PDSS2: variants seen among roughly 807,000 people sequenced by gnomAD.
PDSS2 encodes the protein all trans-polyprenyl-diphosphate synthase PDSS2.
A neutral mutation model predicts 44.5 loss-of-function variants in PDSS2; 31 were observed. The ratio of observed to expected loss-of-function variants is 0.70; its 90% CI spans 0.52 to 0.94. PDSS2 has a LOEUF of 0.94. Ranked by LOEUF, PDSS2 falls within the 40% of genes least tolerant of loss-of-function variation. The pLI is 0.00. For synonymous variants in PDSS2, 157 were observed against 180.3 expected, an observed-to-expected ratio of 0.87 and a Z score of 1.03; for missense variants, 452 against 482.2, an observed-to-expected ratio of 0.94 and a Z score of 0.59.
intron 1 of PDSS2, among the ~76,000 whole-genome samples, chr6:107,353,821 G>GA (rs915197346): frequency 2.5e-4 from 38 of 152,126 alleles, no homozygotes; most frequent in African/African-American, 8.9e-4. Context: ...AAAATCACTG[G>GA]AAAATTTAAA....
At chr6:107,436,121 T>C (rs1051518186) in intron 1 of PDSS2, among the ~76,000 whole-genome samples, 1 of 152,200 alleles carries the variant, frequency 6.6e-6, no homozygotes, top group East Asian at 1.9e-4. Flanking sequence ...TACTCTCTAG[T>C]ATAGCTACTT....
intron 1 of PDSS2, among the ~76,000 whole-genome samples, chr6:107,347,127 G>T (rs1372235079): frequency 6.6e-6 from 1 of 152,144 alleles, no homozygotes; most frequent in Non-Finnish European, 1.5e-5. Context: ...CAGCCAAGGA[G>T]TGTTACATGG....
chr6:107,255,939 G>A (rs939285196), intron 3 of PDSS2, among the ~76,000 whole-genome samples: 2 of 152,078 alleles, frequency 1.3e-5, no homozygotes, highest in East Asian at 1.9e-4. Context: ...CTATTAGGGT[G>A]CATTTCAATC....
chr6:107,297,632 G>A (rs373958507), intron 2 of PDSS2, among the ~76,000 whole-genome samples: 11 of 148,566 alleles, frequency 7.4e-5, no homozygotes, highest in African/African-American at 2.2e-4. Context: ...CACCCGCCTC[G>A]GCCTCCCAAA....
intron 1 of PDSS2, among the ~76,000 whole-genome samples, chr6:107,446,259 T>C (rs1332619505): frequency 6.6e-6 from 1 of 151,560 alleles, no homozygotes; most frequent in Non-Finnish European, 1.5e-5. Context: ...GAGGTTGCAG[T>C]GAGTCAAGAT....
At chr6:107,371,679 A>G (rs191072627) in intron 1 of PDSS2, among the ~76,000 whole-genome samples, 1 of 151,598 alleles carries the variant, frequency 6.6e-6, no homozygotes, top group African/African-American at 2.4e-5. Flanking sequence ...ATGAAGGCAG[A>G]CAGACAGCTC....
chr6:107,418,656 T>C (rs1471796052), intron 1 of PDSS2, among the ~76,000 whole-genome samples: 1 of 152,072 alleles, frequency 6.6e-6, no homozygotes, highest in Non-Finnish European at 1.5e-5. Flanking sequence ...GCACCTGTAG[T>C]CCCAGCTACT....
At chr6:107,457,113 T>C (rs1782070278) in intron 1 of PDSS2, among the ~76,000 whole-genome samples, 2 of 152,156 alleles carry the variant, frequency 1.3e-5, no homozygotes, top group African/African-American at 4.8e-5. Flanking sequence ...ATAAAATCAC[T>C]TTATTATTAC....
chr6:107,298,987 C>T (rs1185472940), intron 2 of PDSS2, among the ~76,000 whole-genome samples: 1 of 151,758 alleles, frequency 6.6e-6, no homozygotes, highest in Non-Finnish European at 1.5e-5. Context: ...ACTAAAAATA[C>T]AAAAATTAGC....
chr6:107,177,385 C>T (rs897291099), intron 7 of PDSS2, among the ~76,000 whole-genome samples: 8 of 152,200 alleles, frequency 5.3e-5, no homozygotes, highest in African/African-American at 1.9e-4. Context: ...GATCCGCCCG[C>T]CTTGGCTTCC....
In PDSS2 at chr6:107,402,567, A is replaced by T. The variant is rs929586552; in HGVS notation, c.296+56423T>A. Among the ~76,000 whole-genome samples, 4 of 95,860 alleles carry T rather than the reference A, an allele frequency of 4.2e-5. No homozygotes were observed. The Admixed American group carries it at 4.7e-4, about 11-fold the overall frequency. The allele number at this position is 95,860 out of a possible 152,430, so 62.9% of individuals were successfully genotyped here. ...TATATATATATAAAAATATATATAC[A>T]TGTGTATATATATGAGGTTTAATGG... On this transcript the variant is annotated intron_variant, in intron 1 of 7. Transcript: ENST00000369037.
At chr6:107,175,732 G>A (rs534594403) in intron 7 of PDSS2, among the ~76,000 whole-genome samples, 42 of 152,230 alleles carry the variant, frequency 2.8e-4, no homozygotes, top group African/African-American at 1.0e-3. Flanking sequence ...AGAAATTGGA[G>A]GTAGAAATTT....
intron 2 of PDSS2, among the ~76,000 whole-genome samples, chr6:107,323,648 T>C (rs1777451303): frequency 6.6e-6 from 1 of 152,176 alleles, no homozygotes; most frequent in Non-Finnish European, 1.5e-5. Flanking sequence ...CATTAAGTCA[T>C]GAAGCTACTA....
intron 6 of PDSS2, among the ~76,000 whole-genome samples, chr6:107,197,478 C>T (rs1480933755): frequency 1.0e-4 from 8 of 77,980 alleles, no homozygotes; most frequent in Non-Finnish European, 1.8e-4. Flanking sequence ...AGACCCCCAT[C>T]TCAAAAAAAA....
At chr6:107,266,296 G>C (rs1225253322) in intron 3 of PDSS2, among the ~76,000 whole-genome samples, 1 of 151,968 alleles carries the variant, frequency 6.6e-6, no homozygotes, top group African/African-American at 2.4e-5. Context: ...GATTAAAAGA[G>C]AGCTACTAAA....
intron 4 of PDSS2, among the ~76,000 whole-genome samples, chr6:107,237,897 G>GAA (rs71551306): frequency 1.1e-4 from 9 of 80,648 alleles, no homozygotes; most frequent in Admixed American, 1.6e-4. Flanking sequence ...CTCCGTCTCT[G>GAA]AAAAAAAAAA....
chr6:107,279,020 G>T lies in PDSS2; in HGVS notation c.432-4793C>A, dbSNP rs1371196571. 2.0e-5 allele frequency among the ~76,000 whole-genome samples: 3 copies of T among 152,176 alleles called. No homozygotes were observed. The East Asian group carries it at 5.8e-4, about 29-fold the overall frequency. Reference sequence around the variant, plus strand: ...GGACCACTTGAGGTCGGGAGTTCAAGAGCAGCCTGGCCAACATGGTGAAAC... The same window carrying T: ...GGACCACTTGAGGTCGGGAGTTCAATAGCAGCCTGGCCAACATGGTGAAAC... On this transcript the variant is annotated intron_variant, in intron 2 of 7. Coordinates refer to ENST00000369037, the MANE Select transcript of PDSS2 (RefSeq NM_020381.4).
chr6:107,365,187 A>G (rs185272079), intron 1 of PDSS2, among the ~76,000 whole-genome samples: 88 of 152,302 alleles, frequency 5.8e-4, no homozygotes, highest in African/African-American at 2.0e-3. Context: ...AAAAATTATA[A>G]TGGACTTATA....
At chr6:107,250,242 GA>G (rs1251807226) in intron 3 of PDSS2, among the ~76,000 whole-genome samples, 1 of 150,932 alleles carries the variant, frequency 6.6e-6, no homozygotes, top group Non-Finnish European at 1.5e-5. Context: ...TATTCTTAAG[GA>G]AAAAAAGCTA....
Sources: gnomAD v4.1 joint callset for allele counts (sites outside exome capture counted in the v4.1 genomes callset) on GRCh38, gnomAD v4.1.1 for gene constraint, MANE v1.5 for transcripts, NCBI Gene and HGNC (gene_info 2026-07-23, HGNC 2026-07-21) for gene names.